Variants in TFRC observed in about 807,000 individuals in gnomAD.
TFRC encodes the protein transferrin receptor.
Under a neutral mutation model 85.8 loss-of-function variants are expected in TFRC, and 35 were observed. The observed-to-expected ratio is 0.41, with a 90% confidence interval of 0.31 to 0.54. The LOEUF (loss-of-function observed/expected upper bound fraction) is 0.54. TFRC is among the 20% of genes least tolerant of loss of function. TFRC has a pLI of 0.31. For synonymous variants in TFRC, 362 were observed against 328.6 expected, an observed-to-expected ratio of 1.10 and a Z score of -1.10; for missense variants, 828 against 921.5, an observed-to-expected ratio of 0.90 and a Z score of 1.31.
In TFRC at chr3:196,074,103, G is replaced by A; in HGVS notation, c.261C>T (p.Gly87=). Residue 87 remains glycine (G), a synonymous_variant, in exon 4 of 19, where the codon GGC becomes GGT. Transcript: ENST00000360110. ...FLIGFMIGYL[G]YCKGVEPKTE... is the part of the protein sequence containing the mutation. Reference sequence around the variant, plus strand: ...TTTTTGGTTCTACCCCTTTACAATAGCCCAAGTAGCCAATCATAAATCCTA... The same window carrying A: ...TTTTTGGTTCTACCCCTTTACAATAACCCAAGTAGCCAATCATAAATCCTA... 1 of 1,612,506 alleles carries A rather than the reference G, an allele frequency of 6.2e-7. No individual in the cohort carries two copies. The highest frequency in any genetic ancestry group is 8.5e-7 in the Non-Finnish European group (1 of 1,179,346).
rs936081563 is a variant in TFRC, at chr3:196,050,374, T to G, written c.*1568A>C. The stretch of plus-strand genomic sequence containing the variant: ...AATGACCACAAAATGTTTCTGCAAC[T>G]AAAACTAAAAGATAGGGAATTATAG... On this transcript the variant is annotated 3_prime_UTR_variant, in exon 19 of 19. Coordinates refer to ENST00000360110, the MANE Select transcript of TFRC (RefSeq NM_001128148.3). 1.9e-5 allele frequency: 4 copies of G among 214,638 alleles called. No homozygotes were observed. Among genetic ancestry groups the G allele is most frequent in the Non-Finnish European group, 3.8e-5 (4 of 106,230 alleles). The allele number at this position is 214,638 out of a possible 1,614,324, so 13.3% of individuals were successfully genotyped here.
At chr3:196,070,532 C>T (rs1038972354) in intron 6 of TFRC, among the ~76,000 whole-genome samples, 4 of 151,986 alleles carry the variant, frequency 2.6e-5, no homozygotes, top group Non-Finnish European at 2.9e-5. Context: ...GGATTACAGG[C>T]GTGAGCCACC....
At position 196,072,038 on chromosome 3, in the gene TFRC, A is replaced by C. The variant is rs1172350481; in HGVS notation, c.549T>G (p.Arg183=). 6.2e-7 allele frequency: 1 copy of C among 1,613,668 alleles called. No individual in the cohort carries two copies. Among genetic ancestry groups the C allele is most frequent in the East Asian group, 2.2e-5 (1 of 44,878 alleles). The change falls in exon 5 of 19, where the codon CGT becomes CGG. Residue 183 remains arginine (R), a synonymous_variant. Coordinates refer to ENST00000360110, the MANE Select transcript of TFRC (RefSeq NM_001128148.3). ...CCTGAATCTTAACAAAATGTTGATC[A>C]CGCCAGACTTTGCTGAGTTTAAATT... ...FREFKLSKVW[R]DQHFVKIQVK...
chr3:196,065,278 A>G (rs1224508900), intron 10 of TFRC, among the ~76,000 whole-genome samples, 165 bp downstream of exon 10: 1 of 128,576 alleles, frequency 7.8e-6, no homozygotes, highest in Non-Finnish European at 1.6e-5. Context: ...AAAAAAAAAG[A>G]AACTAACACA....
chr3:196,080,550 T>C (rs1577261853), intron 1 of TFRC, among the ~76,000 whole-genome samples: 1 of 152,266 alleles, frequency 6.6e-6, no homozygotes, highest in African/African-American at 2.4e-5. Context: ...AGGGTCATTT[T>C]TAACTAGCAT....
intron 2 of TFRC, 44 bp downstream of exon 2, chr3:196,077,020 T>G: frequency 3.8e-6 from 6 of 1,577,650 alleles, no homozygotes; most frequent in Non-Finnish European, 4.4e-6. Flanking sequence ...GCTTGTATAT[T>G]TCACATTCTT....
intron 6 of TFRC, 96 bp downstream of exon 6, chr3:196,071,300 A>G: frequency 8.4e-7 from 1 of 1,195,886 alleles, no homozygotes; most frequent in African/African-American, 1.5e-5. Context: ...GATCATTTAC[A>G]TTTTACAGGT....
At chr3:196,060,903 A>G (rs889914691) in intron 13 of TFRC, among the ~76,000 whole-genome samples, 2 of 151,404 alleles carry the variant, frequency 1.3e-5, no homozygotes, top group Admixed American at 6.6e-5. Context: ...GCCCCCACAC[A>G]TGTGCAGCCT....
chr3:196,051,986 T>G lies in TFRC; in HGVS notation c.2239A>C (p.Asn747His), dbSNP rs1382338064. Residue 747 changes from asparagine (N) to histidine (H), a missense_variant, in exon 19 of 19, where the codon AAT becomes CAT. Physicochemically the swap from Asn to His is moderately conservative, Grantham distance 68 (BLOSUM62 1). Transcript: ENST00000360110. Reference sequence around the variant, plus strand: ...TCCCAAACGTCACCAGAGAGGGCATTTGCAGCTCCCTGAATAGTCCAAGTA... The same window carrying G: ...TCCCAAACGTCACCAGAGAGGGCATGTGCAGCTCCCTGAATAGTCCAAGTA... ...LATWTIQGAA[N>H]ALSGDVWDID... The G allele has an allele frequency of 6.2e-7, 1 of 1,614,192 alleles. No homozygotes were observed. The highest frequency in any genetic ancestry group is 1.1e-5 in the South Asian group (1 of 91,076).
intron 2 of TFRC, among the ~76,000 whole-genome samples, chr3:196,076,450 G>GC (rs1452931917): frequency 7.8e-6 from 1 of 127,872 alleles, no homozygotes; most frequent in African/African-American, 2.8e-5. Context: ...TTCAGCCTTT[G>GC]CTTTTTTTTT....
chr3:196,057,635 G>C (rs1057258482), intron 16 of TFRC, among the ~76,000 whole-genome samples: 2 of 150,232 alleles, frequency 1.3e-5, no homozygotes, highest in Admixed American at 6.6e-5. Flanking sequence ...GTTGACACAA[G>C]AAGATCCATG....
intron 2 of TFRC, among the ~76,000 whole-genome samples, chr3:196,075,744 C>A (rs577569188): frequency 5.7e-4 from 86 of 152,016 alleles, no homozygotes; most frequent in Middle Eastern, 6.8e-3. Context: ...GTAACCCAGA[C>A]CATGATGTTG....
rs756728462 is a variant in TFRC at position 196,051,952 on chromosome 3, T to C, written c.2273A>G (p.Asn758Ser). The change falls in exon 19 of 19, where the codon AAT becomes AGT. Residue 758 changes from asparagine to serine, a missense_variant. Coordinates refer to ENST00000360110, the MANE Select transcript of TFRC (RefSeq NM_001128148.3). ...CTATGGGTATCACATTTAAAACTCA[T>C]TGTCAATGTCCCAAACGTCACCAGA... Reference protein sequence around the residue: ...ALSGDVWDIDNEF With the variant: ...ALSGDVWDIDSEF The C allele has an allele frequency of 1.2e-6, 2 of 1,614,142 alleles. No individual in the cohort carries two copies. The highest frequency in any genetic ancestry group is 2.2e-5 in the East Asian group (1 of 44,888).
chr3:196,077,286 C>T (rs906181489), intron 1 of TFRC, among the ~76,000 whole-genome samples, 164 bp from the exon 2 acceptor site: 2 of 152,064 alleles, frequency 1.3e-5, no homozygotes, highest in African/African-American at 4.8e-5. Context: ...TAAGTGGGAT[C>T]CTTTTTAAAG....
At chr3:196,062,770 T>C in intron 12 of TFRC, 84 bp downstream of exon 12, 3 of 1,571,608 alleles carry the variant, frequency 1.9e-6, no homozygotes, top group Non-Finnish European at 1.7e-6. Flanking sequence ...AGTGGTAAAA[T>C]CAAACCTATA....
chr3:196,052,382 C>T (rs1262038511), intron 18 of TFRC, among the ~76,000 whole-genome samples, 198 bp from the exon 19 acceptor site: 2 of 151,158 alleles, frequency 1.3e-5, no homozygotes, highest in South Asian at 2.1e-4. Flanking sequence ...CACTGGTACC[C>T]TCCACCTCCC....
chr3:196,069,601 A>G lies in TFRC; in HGVS notation c.688-33T>C, dbSNP rs201901662. ...AAAGACATTAGATTTAATGAGCATT[A>G]TGGTATCGGAACAGCTCTAAAATCT... On this transcript the variant is annotated intron_variant, in intron 6 of 18. Coordinates refer to ENST00000360110, the MANE Select transcript of TFRC (RefSeq NM_001128148.3). 1.8e-4 allele frequency: 243 copies of G among 1,334,000 alleles called. 2 individuals carry two copies. Among genetic ancestry groups the G allele is most frequent in the Non-Finnish European group, 2.3e-4 (212 of 932,334 alleles). 82.6% of individuals were successfully genotyped at this position (1,334,000 alleles called of 1,614,324 possible). A position where few individuals can be genotyped will look rare whatever the true frequency, so the allele number is the denominator to read the frequency against.
At chr3:196,057,795 A>AC (rs1462441900) in intron 16 of TFRC, among the ~76,000 whole-genome samples, 8 of 149,124 alleles carry the variant, frequency 5.4e-5, no homozygotes, top group African/African-American at 2.1e-4. Context: ...AAAAAAAAAA[A>AC]AAACAAAACA....
In TFRC at chr3:196,053,554, A is replaced by G; in HGVS notation, c.1904T>C (p.Met635Thr). 6.2e-7 allele frequency: 1 copy of G among 1,613,992 alleles called. No individual in the cohort carries two copies. The highest frequency in any genetic ancestry group is 8.5e-7 in the Non-Finnish European group (1 of 1,179,946). ...ATACAGCCACTGTAAACTCAGGCCCATTTCCTGAAACAGACATTATTCGCT... is the reference window on the plus strand; with the variant it reads ...ATACAGCCACTGTAAACTCAGGCCCGTTTCCTGAAACAGACATTATTCGCT... ...LNQYRADIKE[M>T]GLSLQWLYSA... Residue 635 changes from methionine (M) to threonine (T), a missense_variant, in exon 18 of 19, where the codon ATG (methionine) becomes ACG (threonine). By Grantham distance (81) the Met-to-Thr change is moderately conservative. Coordinates refer to ENST00000360110, the MANE Select transcript of TFRC (RefSeq NM_001128148.3).
Sources: allele counts gnomAD v4.1 joint callset (sites outside exome capture counted in the v4.1 genomes callset), GRCh38; gene constraint gnomAD v4.1.1; transcripts MANE v1.5; gene names NCBI Gene and HGNC (gene_info 2026-07-23, HGNC 2026-07-21).